FAT3: variants seen among roughly 807,000 people sequenced by gnomAD.
FAT3 encodes FAT atypical cadherin 3.
In FAT3, 95 loss-of-function variants were observed where a neutral mutation model predicts 310.2. The ratio of observed to expected loss-of-function variants is 0.31; its 90% confidence interval spans 0.26 to 0.36. FAT3 has a LOEUF of 0.36. Ranked by LOEUF, FAT3 falls within the 10% of genes least tolerant of loss-of-function variation. The pLI, the probability that FAT3 is intolerant of heterozygous loss-of-function variation, is 1.00. For synonymous variants in FAT3, 2,314 were observed against 2,192.9 expected (o/e 1.06, Z -1.54); for missense variants, 5,408 against 5,715.6 (o/e 0.95, Z 1.74).
chr11:92,774,192 A>G lies in FAT3; in HGVS notation c.4335+12A>G, dbSNP rs747654065. 16 of 1,599,498 alleles carry G rather than the reference A, an allele frequency of 1.0e-5. No individual in the cohort carries two copies. Among genetic ancestry groups the G allele is most frequent in the Non-Finnish European group, 1.3e-5 (15 of 1,173,424 alleles). ...TTGCTGTTACTCAGGTGAGATGTTA[A>G]ATTACTGAATAGCAGGAATGCTGAA... is the stretch of plus-strand genomic sequence containing the variant. On this transcript the variant is annotated intron_variant, in intron 7 of 27. Transcript: ENST00000525166.
intron 1 of FAT3, among the ~76,000 whole-genome samples, chr11:92,345,753 C>CA (rs1189500775): frequency 6.6e-6 from 1 of 152,162 alleles, no homozygotes; most frequent in Non-Finnish European, 1.5e-5. Context: ...CAAGAGCTGT[C>CA]AGAGTCAAAT....
intron 1 of FAT3, among the ~76,000 whole-genome samples, chr11:92,301,881 C>T (rs138991247): frequency 4.8e-4 from 73 of 152,126 alleles, no homozygotes; most frequent in African/African-American, 1.7e-3. Context: ...TCACCTCTTT[C>T]CAAAGGGCTT....
At chr11:92,261,480 T>C (rs1050431952) in intron 1 of FAT3, among the ~76,000 whole-genome samples, 4 of 152,156 alleles carry the variant, frequency 2.6e-5, no homozygotes, top group African/African-American at 9.6e-5. Flanking sequence ...TAAGATATTT[T>C]AGGAACAATG....
chr11:92,883,153 C>A lies in FAT3; in HGVS notation c.12697C>A (p.Arg4233Ser), dbSNP rs760262852. The change falls in exon 24 of 28, where the codon CGC becomes AGC. Residue 4233 changes from arginine (R) to serine (S), a missense_variant. By Grantham distance (110) the Arg-to-Ser change is moderately radical. Coordinates refer to ENST00000525166, the MANE Select transcript of FAT3 (RefSeq NM_001367949.2). This position sits in a 1 kb window ranked among gnomAD's most constrained non-coding sequence, Gnocchi z 4.2. ...QEVGPPQVPV[R>S]PMAYTPCFQS... ...GGTGGGGCCCCCGCAGGTCCCCGTG[C>A]GCCCCATGGCCTACACACCCTGCTT... The A allele has an allele frequency of 1.2e-6, 2 of 1,613,528 alleles. No homozygotes were observed. The highest frequency in any genetic ancestry group is 1.7e-5 in the Admixed American group (1 of 60,026).
At chr11:92,636,537 A>G (rs1364196549) in intron 3 of FAT3, among the ~76,000 whole-genome samples, 4 of 152,198 alleles carry the variant, frequency 2.6e-5, no homozygotes, top group Non-Finnish European at 4.4e-5. Context: ...TTGGGCAGTG[A>G]GTTTTAGTAG....
intron 3 of FAT3, among the ~76,000 whole-genome samples, chr11:92,616,591 G>A (rs553424727): frequency 6.6e-6 from 1 of 152,264 alleles, no homozygotes; most frequent in Non-Finnish European, 1.5e-5. Flanking sequence ...TTACAATTTG[G>A]CATGTTTTTG....
chr11:92,754,666 C>T, intron 4 of FAT3, among the ~76,000 whole-genome samples: 1 of 120,910 alleles, frequency 8.3e-6, no homozygotes, highest in South Asian at 2.5e-4. Flanking sequence ...ACCATCCTGG[C>T]CAACATGGTG....
chr11:92,776,418 C>T (rs1456426943), intron 7 of FAT3, among the ~76,000 whole-genome samples: 5 of 152,150 alleles, frequency 3.3e-5, no homozygotes, highest in Admixed American at 6.5e-5. Context: ...CATTTAACAG[C>T]GTTTGTTCCA....
rs150293171 is a variant in FAT3, at chr11:92,874,719, A to G, written c.12128-6012A>G. 7.1e-3 allele frequency among the ~76,000 whole-genome samples: 1,080 copies of G among 152,228 alleles called. 11 individuals are homozygous for G. The highest frequency in any genetic ancestry group is 0.024 in the African/African-American group (1,013 of 41,530). On this transcript the variant is annotated intron_variant, in intron 22 of 27. Coordinates refer to ENST00000525166, the MANE Select transcript of FAT3 (RefSeq NM_001367949.2). ...CATGCCCGGCTAATTTTGTATTTTT[A>G]GTAGAGACGGGGTTTCACCATATTG...
chr11:92,638,991 C>A (rs1177510104), intron 3 of FAT3, among the ~76,000 whole-genome samples: 1 of 152,104 alleles, frequency 6.6e-6, no homozygotes, highest in Non-Finnish European at 1.5e-5. Context: ...CATAATCAGC[C>A]CATTTTATTC....
chr11:92,801,782 C>T lies in FAT3; in HGVS notation c.8769C>T (p.Val2923=). ...RVTDINDNAP[V]FAQEVYRGNV... ...CAGATATAAATGACAATGCACCAGT[C>T]TTCGCGCAGGAAGTGTACCGAGGGA... is the stretch of plus-strand genomic sequence containing the variant. Residue 2923 remains valine (V), a synonymous_variant, in exon 10 of 28, where the codon GTC becomes GTT. Coordinates refer to ENST00000525166, the MANE Select transcript of FAT3 (RefSeq NM_001367949.2). 1 of 1,613,930 alleles carries T rather than the reference C, an allele frequency of 6.2e-7. No homozygotes were observed. Among genetic ancestry groups the T allele is most frequent in the Non-Finnish European group, 8.5e-7 (1 of 1,179,872 alleles).
chr11:92,572,069 C>T (rs916028249), intron 3 of FAT3, among the ~76,000 whole-genome samples: 73 of 152,250 alleles, frequency 4.8e-4, no homozygotes, highest in African/African-American at 1.5e-3. Flanking sequence ...TGCTGGCAGC[C>T]GAGTGCTCCA....
intron 13 of FAT3, among the ~76,000 whole-genome samples, chr11:92,830,410 G>T (rs964592665): frequency 6.6e-6 from 1 of 152,148 alleles, no homozygotes; most frequent in African/African-American, 2.4e-5. Context: ...TCTTGAAATC[G>T]TAGAGCAGGA....
intron 2 of FAT3, among the ~76,000 whole-genome samples, chr11:92,421,941 TTGTC>T (rs1306584718): frequency 2.0e-5 from 3 of 152,194 alleles, no homozygotes. Context: ...GAGAGATCCT[TTGTC>T]TGAATCAGCC....
In FAT3 at chr11:92,354,934, A is replaced by G. The variant is rs1293013405; in HGVS notation, c.2822A>G (p.Tyr941Cys). The change falls in exon 2 of 28, where the codon TAT becomes TGT. Residue 941 changes from tyrosine to cysteine, a missense_variant. Transcript: ENST00000525166. ...TCCCCAGCTTTCATTCCCAGTAGCT[A>G]TAGTGTGAAGGTTCTTGAAGATCTC... Reference protein sequence around the residue: ...DCSPAFIPSSYSVKVLEDLPV... With the variant: ...DCSPAFIPSSCSVKVLEDLPV... 5.0e-6 allele frequency: 8 copies of G among 1,613,748 alleles called. No individual in the cohort carries two copies. The highest frequency in any genetic ancestry group is 1.7e-5 in the Admixed American group (1 of 59,966).
At chr11:92,424,153 G>T (rs911346171) in intron 2 of FAT3, among the ~76,000 whole-genome samples, 3 of 151,836 alleles carry the variant, frequency 2.0e-5, no homozygotes, top group Non-Finnish European at 4.4e-5. Context: ...TGATTGCTTT[G>T]GCACTGTTTG....
rs151073166 is a variant in FAT3, at chr11:92,859,329, A to C, written c.11658+7A>C. The C allele has an allele frequency of 8.8e-4, 1,393 of 1,578,258 alleles. 8 individuals carry two copies. Among genetic ancestry groups the C allele is most frequent in the East Asian group, 6.1e-3 (270 of 44,134 alleles). Reference sequence around the variant, plus strand: ...TCCCTGCATAATTCTGAAGGTAATTAAAATGGGTTATCTTTTTCTGCAGTC... The same window carrying C: ...TCCCTGCATAATTCTGAAGGTAATTCAAATGGGTTATCTTTTTCTGCAGTC... On this transcript the variant is annotated splice_region_variant and intron_variant, in intron 21 of 27. Transcript: ENST00000525166.
chr11:92,391,698 C>A (rs1205853545), intron 2 of FAT3, among the ~76,000 whole-genome samples: 3 of 152,180 alleles, frequency 2.0e-5, no homozygotes, highest in African/African-American at 7.2e-5. Context: ...GTGGAGTATG[C>A]AAATGTTTGA....
At chr11:92,731,982 A>G (rs1348949631) in intron 4 of FAT3, among the ~76,000 whole-genome samples, 1 of 152,236 alleles carries the variant, frequency 6.6e-6, no homozygotes, top group African/African-American at 2.4e-5. Context: ...GTTATAGATC[A>G]TGAATTCCAA....
Sources: gnomAD v4.1 joint callset for allele counts (sites outside exome capture counted in the v4.1 genomes callset) on GRCh38, gnomAD v4.1.1 for gene constraint, Gnocchi (gnomAD v3.1) non-coding constraint, MANE v1.5 for transcripts, NCBI Gene and HGNC (gene_info 2026-07-23, HGNC 2026-07-21) for gene names.